Variants in EHMT1 observed in about 807,000 individuals in gnomAD.
The protein encoded by EHMT1 is euchromatic histone lysine methyltransferase 1.
Under a neutral mutation model 147.2 loss-of-function variants are expected in EHMT1, and 15 were observed. That is an observed-to-expected ratio of 0.10 (90% confidence interval 0.07 to 0.16). The LOEUF (loss-of-function observed/expected upper bound fraction) is 0.16, where lower values mean the gene tolerates loss of function less well. Among genes scored for constraint, EHMT1 ranks in the 10% least tolerant of loss-of-function variants. EHMT1 has a pLI of 1.00. For synonymous variants in EHMT1, 795 were observed against 709.6 expected, an observed-to-expected ratio of 1.12 and a Z score of -1.91; for missense variants, 1,587 against 1,772.4, an observed-to-expected ratio of 0.90 and a Z score of 1.88.
chr9:137,622,243 C>T (rs1347800399), intron 1 of EHMT1, among the ~76,000 whole-genome samples: 1 of 151,816 alleles, frequency 6.6e-6, no homozygotes, highest in Non-Finnish European at 1.5e-5. Flanking sequence ...CTCAGCTTTC[C>T]TGGTAGCTGG....
intron 1 of EHMT1, among the ~76,000 whole-genome samples, chr9:137,706,159 C>T (rs1456752727): frequency 6.6e-6 from 1 of 152,038 alleles, no homozygotes; most frequent in African/African-American, 2.4e-5. Context: ...CCGACCTGGC[C>T]TGGGGGTTGG....
chr9:137,821,506 T>C (rs1371682651), intron 25 of EHMT1, among the ~76,000 whole-genome samples: 2 of 151,978 alleles, frequency 1.3e-5, no homozygotes, highest in East Asian at 3.9e-4. Flanking sequence ...TTTTTTATTT[T>C]ATTTTTATAG....
intron 14 of EHMT1, among the ~76,000 whole-genome samples, chr9:137,780,507 T>C (rs1351454610): frequency 3.9e-5 from 5 of 129,574 alleles, no homozygotes; most frequent in Non-Finnish European, 6.5e-5. Context: ...CTGAGACGTG[T>C]GGTGATGACG....
Position 137,835,067 on chromosome 9 carries a change from C to T in EHMT1, c.*114C>T, listed in dbSNP as rs1956506790. 2.4e-6 allele frequency: 3 copies of T among 1,247,086 alleles called. No individual in the cohort carries two copies. Among genetic ancestry groups the T allele is most frequent in the African/African-American group, 1.6e-5 (1 of 61,960 alleles). The allele number at this position is 1,247,086 out of a possible 1,614,324, so 77.3% of individuals were successfully genotyped here. On this transcript the variant is annotated 3_prime_UTR_variant, in exon 27 of 27. Coordinates refer to ENST00000460843, the MANE Select transcript of EHMT1 (RefSeq NM_024757.5). The stretch of plus-strand genomic sequence containing the variant: ...AAAGGGTCCTTCGGGGCTGCGCCGC[C>T]GGCTTCCTGGAGGGGTCGGAGGTGA...
chr9:137,798,966 A>G (rs1564784815), intron 17 of EHMT1, 52 bp downstream of exon 17: 2 of 1,448,472 alleles, frequency 1.4e-6, no homozygotes, highest in African/African-American at 1.4e-5. Flanking sequence ...GGCTACGGAA[A>G]CTCACTGTTC....
At chr9:137,675,846 G>A (rs530230812) in intron 1 of EHMT1, among the ~76,000 whole-genome samples, 49 of 114,130 alleles carry the variant, frequency 4.3e-4, no homozygotes, top group Non-Finnish European at 7.1e-4. Flanking sequence ...TGCAGTGGCG[G>A]GATCTCGGCT....
chr9:137,723,529 T>C (rs1208112934), intron 3 of EHMT1, among the ~76,000 whole-genome samples: 18 of 128,536 alleles, frequency 1.4e-4, no homozygotes, highest in Admixed American at 7.7e-4. Context: ...TGTCCGTGTC[T>C]GTGGTTCTGG....
chr9:137,733,543 T>G (rs533779041), intron 4 of EHMT1, among the ~76,000 whole-genome samples: 66 of 152,314 alleles, frequency 4.3e-4, no homozygotes, highest in African/African-American at 1.5e-3. Context: ...TTCAGTCAGT[T>G]TCAGCTCTGC....
chr9:137,665,174 T>A (rs1251782959), intron 1 of EHMT1, among the ~76,000 whole-genome samples: 1 of 152,242 alleles, frequency 6.6e-6, no homozygotes, highest in African/African-American at 2.4e-5. Flanking sequence ...CTGAATACAC[T>A]ATTTTAAAAA....
chr9:137,687,077 T>C (rs1451306974), intron 1 of EHMT1, among the ~76,000 whole-genome samples: 1 of 152,200 alleles, frequency 6.6e-6, no homozygotes, highest in Non-Finnish European at 1.5e-5. Flanking sequence ...AGCAACATAG[T>C]TGATAGGTCT....
chr9:137,670,482 G>C (rs1457341667), intron 1 of EHMT1, among the ~76,000 whole-genome samples: 1 of 152,062 alleles, frequency 6.6e-6, no homozygotes, highest in East Asian at 1.9e-4. Context: ...CTGGACTCTG[G>C]TGTCCTGTGC....
chr9:137,715,496 T>C (rs1945128186), intron 2 of EHMT1: 1 of 972,206 alleles, frequency 1.0e-6, no homozygotes, highest in Non-Finnish European at 1.2e-6. Context: ...ATCAGGTCTG[T>C]TGTGCTCGAG....
In EHMT1 at chr9:137,828,484, C is replaced by T. The variant is rs749876064; in HGVS notation, c.3541-5865C>T. The stretch of plus-strand genomic sequence containing the variant: ...TGAGGCCAAGCAGAGCACAGGGTCT[C>T]GAGACCCCATGACCTCTAGGGTCAC... On this transcript the variant is annotated intron_variant, in intron 25 of 26. Transcript: ENST00000460843. This position sits in a 1 kb window ranked among gnomAD's most constrained non-coding sequence, Gnocchi z 5.3. 5.3e-5 allele frequency among the ~76,000 whole-genome samples: 8 copies of T among 151,834 alleles called. No homozygotes were observed. Among genetic ancestry groups the T allele is most frequent in the Non-Finnish European group, 8.8e-5 (6 of 67,954 alleles).
intron 7 of EHMT1, among the ~76,000 whole-genome samples, chr9:137,753,874 G>A (rs1949177513): frequency 6.6e-6 from 1 of 152,156 alleles, no homozygotes; most frequent in African/African-American, 2.4e-5. Context: ...TAGTTCCTGA[G>A]TAGAACTTTC....
Position 137,732,169 on chromosome 9 carries a change from C to T in EHMT1, c.823+3640C>T, listed in dbSNP as rs1947168358. ...GCTTGCCATCACACGGGGCAGCCGCCGACACCAGCGGAGGGCAGGAGGGCT... is the reference window on the plus strand; with the variant it reads ...GCTTGCCATCACACGGGGCAGCCGCTGACACCAGCGGAGGGCAGGAGGGCT... On this transcript the variant is annotated intron_variant, in intron 4 of 26. Coordinates refer to ENST00000460843, the MANE Select transcript of EHMT1 (RefSeq NM_024757.5). The surrounding 1 kb of genome is among the most constrained non-coding windows in gnomAD (Gnocchi z 4.6). Among the ~76,000 whole-genome samples, 3 of 152,330 alleles carry T rather than the reference C, an allele frequency of 2.0e-5. No homozygotes were observed. The highest frequency in any genetic ancestry group is 6.5e-5 in the Admixed American group (1 of 15,308).
intron 1 of EHMT1, among the ~76,000 whole-genome samples, chr9:137,670,139 C>T (rs1159495240): frequency 6.6e-6 from 1 of 152,102 alleles, no homozygotes; most frequent in Non-Finnish European, 1.5e-5. Flanking sequence ...GGATTACAGG[C>T]GTGAGCCACC....
chr9:137,637,294 G>T (rs190993522), intron 1 of EHMT1, among the ~76,000 whole-genome samples: 1 of 152,070 alleles, frequency 6.6e-6, no homozygotes, highest in East Asian at 1.9e-4. Flanking sequence ...TCCTGCCTCA[G>T]CCTCCCGAGT....
intron 10 of EHMT1, among the ~76,000 whole-genome samples, chr9:137,770,369 C>T (rs1263988325): frequency 2.0e-5 from 3 of 152,224 alleles, no homozygotes; most frequent in Admixed American, 6.5e-5. Flanking sequence ...TTGTTTCTAG[C>T]GTTTTACGCT....
chr9:137,660,602 G>A lies in EHMT1; in HGVS notation c.21+41553G>A, dbSNP rs77001185. 6.9e-4 allele frequency among the ~76,000 whole-genome samples: 105 copies of A among 152,108 alleles called. 1 individual carries two copies. In the East Asian group the frequency reaches 0.018, roughly 25 times the overall value. ...TAAAATTTCATGAACAATCCTGTTC[G>A]GATATTAATTGGAATTGCACTGAAT... On this transcript the variant is annotated intron_variant, in intron 1 of 26. Coordinates refer to ENST00000460843, the MANE Select transcript of EHMT1 (RefSeq NM_024757.5).
Sources: gnomAD v4.1 joint callset for allele counts (sites outside exome capture counted in the v4.1 genomes callset) on GRCh38, gnomAD v4.1.1 for gene constraint, Gnocchi (gnomAD v3.1) non-coding constraint, MANE v1.5 for transcripts, NCBI Gene and HGNC (gene_info 2026-07-23, HGNC 2026-07-21) for gene names.